Variants in NELL1 observed in about 807,000 individuals in gnomAD.
NELL1 encodes the protein protein kinase C-binding protein NELL1.
A neutral mutation model predicts 107.4 loss-of-function variants in NELL1; 76 were observed. The observed-to-expected ratio is 0.71, with a 90% confidence interval of 0.59 to 0.86. The LOEUF is 0.86. Among genes scored for constraint, NELL1 ranks in the 40% least tolerant of loss-of-function variants. NELL1 has a pLI of 0.00. For missense variants in NELL1, 1,024 were observed against 1,005.5 expected, an observed-to-expected ratio of 1.02 and a Z score of -0.25; for synonymous variants, 353 against 341.2, an observed-to-expected ratio of 1.03 and a Z score of -0.38.
At chr11:20,929,236 T>C (rs951576723) in intron 9 of NELL1, among the ~76,000 whole-genome samples, 2 of 152,124 alleles carry the variant, frequency 1.3e-5, no homozygotes, top group East Asian at 3.9e-4. Context: ...CAGAAATGTG[T>C]GCTATGGATA....
chr11:20,723,750 C>G (rs1049043480), intron 2 of NELL1, among the ~76,000 whole-genome samples: 2 of 152,192 alleles, frequency 1.3e-5, no homozygotes, highest in African/African-American at 4.8e-5. Context: ...GGCTCCAACC[C>G]CACATTTTCC....
intron 11 of NELL1, among the ~76,000 whole-genome samples, chr11:20,955,520 A>T (rs1851152876): frequency 6.6e-6 from 1 of 152,176 alleles, no homozygotes; most frequent in Non-Finnish European, 1.5e-5. Context: ...TTTATCTTGA[A>T]GTTGAGGATA....
chr11:21,130,012 C>T (rs1177016414), intron 13 of NELL1, among the ~76,000 whole-genome samples: 2 of 152,266 alleles, frequency 1.3e-5, no homozygotes, highest in Non-Finnish European at 2.9e-5. Flanking sequence ...TATGCAAATG[C>T]AGTAGGTCTA....
intron 16 of NELL1, among the ~76,000 whole-genome samples, chr11:21,548,928 C>T (rs2133987253): frequency 6.7e-6 from 1 of 150,300 alleles, no homozygotes; most frequent in Non-Finnish European, 1.5e-5. Context: ...CAAGATAACA[C>T]AAAAGCAGGA....
intron 12 of NELL1, among the ~76,000 whole-genome samples, chr11:21,111,837 G>A (rs1855115068): frequency 6.6e-6 from 1 of 152,194 alleles, no homozygotes; most frequent in East Asian, 1.9e-4. Context: ...ACACACTAAT[G>A]TCAAGCAGCC....
chr11:21,563,306 T>G (rs1856894358), intron 17 of NELL1, among the ~76,000 whole-genome samples: 1 of 152,076 alleles, frequency 6.6e-6, no homozygotes, highest in Non-Finnish European at 1.5e-5. Context: ...GCTTATTCGT[T>G]TCTAGGAAAT....
chr11:21,409,213 A>T (rs1488002112), intron 15 of NELL1, among the ~76,000 whole-genome samples: 6 of 152,148 alleles, frequency 3.9e-5, no homozygotes, highest in African/African-American at 1.4e-4. Flanking sequence ...TGGATTAAGA[A>T]AATGTGGCAC....
intron 5 of NELL1, among the ~76,000 whole-genome samples, chr11:20,895,913 T>C (rs1022911669): frequency 1.3e-5 from 2 of 152,190 alleles, no homozygotes; most frequent in African/African-American, 4.8e-5. Context: ...TTTGGCTGAA[T>C]AGTATTTCAT....
chr11:21,552,932 A>T (rs570994630), intron 16 of NELL1, among the ~76,000 whole-genome samples: 1 of 151,976 alleles, frequency 6.6e-6, no homozygotes, highest in African/African-American at 2.4e-5. Context: ...TACAATACAC[A>T]GGGCAGTGAA....
rs988372604 is a variant in NELL1, at chr11:21,193,921, G to A, written c.1427-35411G>A. 1.3e-4 allele frequency among the ~76,000 whole-genome samples: 19 copies of A among 151,762 alleles called. 1 individual carries two copies. Among genetic ancestry groups the A allele is most frequent in the African/African-American group, 4.1e-4 (17 of 41,082 alleles). On this transcript the variant is annotated intron_variant, in intron 13 of 19. Coordinates refer to ENST00000357134, the MANE Select transcript of NELL1 (RefSeq NM_006157.5). ...TATCTTTGTAGATTTCAGAGGATTC[G>A]ATGCTAGTTGCAATGGGTTTCATCT...
chr11:21,484,991 C>T (rs1291214868), intron 15 of NELL1, among the ~76,000 whole-genome samples: 1 of 151,926 alleles, frequency 6.6e-6, no homozygotes, highest in African/African-American at 2.4e-5. Context: ...GGCTGGTTGG[C>T]CAGGACTGAC....
At chr11:20,907,538 C>T (rs1022143057) in intron 5 of NELL1, among the ~76,000 whole-genome samples, 2 of 151,998 alleles carry the variant, frequency 1.3e-5, no homozygotes, top group Non-Finnish European at 2.9e-5. Context: ...TCATACCCCA[C>T]CAGTTATAAT....
intron 2 of NELL1, among the ~76,000 whole-genome samples, chr11:20,722,009 C>G (rs1855400690): frequency 7.7e-6 from 1 of 129,530 alleles, no homozygotes; most frequent in African/African-American, 2.6e-5. Flanking sequence ...CTTGACCTTT[C>G]TGAGTCTCTC....
intron 12 of NELL1, among the ~76,000 whole-genome samples, chr11:21,014,983 A>G (rs1008352574): frequency 3.3e-5 from 5 of 151,612 alleles, no homozygotes; most frequent in Non-Finnish European, 5.9e-5. Context: ...CTTTTTCTTG[A>G]TTTTCACTTA....
At chr11:20,738,162 T>C (rs1412467844) in intron 2 of NELL1, among the ~76,000 whole-genome samples, 1 of 152,108 alleles carries the variant, frequency 6.6e-6, no homozygotes, top group Non-Finnish European at 1.5e-5. Context: ...TGTGTGCGTG[T>C]GCACAGCTGT....
chr11:20,773,045 C>T (rs1431431112), intron 2 of NELL1, among the ~76,000 whole-genome samples: 1 of 152,164 alleles, frequency 6.6e-6, no homozygotes, highest in East Asian at 1.9e-4. Flanking sequence ...CCCATAGTCT[C>T]TGCCCAATTT....
At chr11:20,870,165 AG>A (rs1183786670) in intron 4 of NELL1, among the ~76,000 whole-genome samples, 1 of 152,144 alleles carries the variant, frequency 6.6e-6, no homozygotes, top group Admixed American at 6.5e-5. Context: ...TTTATGTAAG[AG>A]GTAAGGAAAT....
chr11:21,449,758 T>C (rs2133856126), intron 15 of NELL1, among the ~76,000 whole-genome samples: 1 of 152,332 alleles, frequency 6.6e-6, no homozygotes, highest in South Asian at 2.1e-4. Context: ...GATGTTTTAT[T>C]GTTCTGTTGC....
At chr11:21,176,037 A>G (rs757900934) in intron 13 of NELL1, among the ~76,000 whole-genome samples, 13 of 151,812 alleles carry the variant, frequency 8.6e-5, no homozygotes, top group Middle Eastern at 3.4e-3. Context: ...CTATTAGAAT[A>G]CCCTACTATT....
Sources: gnomAD v4.1 joint callset for allele counts (sites outside exome capture counted in the v4.1 genomes callset) on GRCh38, gnomAD v4.1.1 for gene constraint, MANE v1.5 for transcripts, NCBI Gene and HGNC (gene_info 2026-07-23, HGNC 2026-07-21) for gene names.